The following INPP5A variants were observed in gnomAD, a reference collection of about 807,000 sequenced individuals.
INPP5A encodes the protein 43 kDa inositol polyphosphate 5-phophatase.
INPP5A carries 14 observed loss-of-function variants against 65.2 expected under a neutral mutation model. The observed-to-expected ratio is 0.21, with a 90% CI of 0.14 to 0.34. INPP5A has a LOEUF of 0.34. Ranked by LOEUF, INPP5A falls within the 10% of genes least tolerant of loss-of-function variation. The pLI is 1.00. For synonymous variants in INPP5A, 207 were observed against 208.3 expected, an observed-to-expected ratio of 0.99 and a Z score of 0.05; for missense variants, 431 against 545.6, an observed-to-expected ratio of 0.79 and a Z score of 2.09.
intron 9 of INPP5A, among the ~76,000 whole-genome samples, chr10:132,739,014 G>T (rs1332803745): frequency 6.6e-6 from 1 of 152,182 alleles, no homozygotes. Context: ...TAACCAGAAG[G>T]GCTTTCTCTT....
At position 132,616,521 on chromosome 10, in the gene INPP5A, T is replaced by G. The variant is rs2072035950; in HGVS notation, c.117+8565T>G. Among the ~76,000 whole-genome samples, 1 of 152,032 alleles carries G rather than the reference T, an allele frequency of 6.6e-6. No individual in the cohort carries two copies. The highest frequency in any genetic ancestry group is 6.6e-5 in the Admixed American group (1 of 15,262). On this transcript the variant is annotated intron_variant, in intron 2 of 15. Coordinates refer to ENST00000368594, the MANE Select transcript of INPP5A (RefSeq NM_005539.5). The surrounding 1 kb of genome is among the most constrained non-coding windows in gnomAD (Gnocchi z 4.9). ...ATGTGGTGTGTGTGGGATGCTGTGG[T>G]CACATGGGACATGGTGTATGGGACG...
intron 9 of INPP5A, among the ~76,000 whole-genome samples, chr10:132,728,787 G>A (rs753363010): frequency 5.5e-4 from 83 of 152,248 alleles, no homozygotes; most frequent in Non-Finnish European, 9.6e-4. Flanking sequence ...GGTCCTGGCC[G>A]GGTCAGAGCC....
chr10:132,671,688 C>T (rs2072894812), intron 4 of INPP5A, among the ~76,000 whole-genome samples: 1 of 152,228 alleles, frequency 6.6e-6, no homozygotes, highest in Non-Finnish European at 1.5e-5. Flanking sequence ...GGCACATGAG[C>T]TTCCTGATAC....
intron 11 of INPP5A, among the ~76,000 whole-genome samples, chr10:132,761,161 G>A (rs2134665865): frequency 6.6e-6 from 1 of 152,362 alleles, no homozygotes; most frequent in East Asian, 1.9e-4. Context: ...GTCTTCGGGT[G>A]CCACATGCCC....
rs2072760497 is a variant in INPP5A, at chr10:132,663,317, G to C, written c.306+12812G>C. Among the ~76,000 whole-genome samples the C allele has an allele frequency of 6.6e-6, 1 of 152,130 alleles. No individual in the cohort carries two copies. The highest frequency in any genetic ancestry group is 1.9e-4 in the East Asian group (1 of 5,184). Reference sequence around the variant, plus strand: ...GCTTACTGCAGCCTTGAACTCCTGAGCTCAAGTGATCCTGTGGCCTCAGCC... The same window carrying C: ...GCTTACTGCAGCCTTGAACTCCTGACCTCAAGTGATCCTGTGGCCTCAGCC... On this transcript the variant is annotated intron_variant, in intron 4 of 15. Coordinates refer to ENST00000368594, the MANE Select transcript of INPP5A (RefSeq NM_005539.5). The surrounding 1 kb of genome is among the most constrained non-coding windows in gnomAD (Gnocchi z 4.5).
At chr10:132,638,662 G>GCAT (rs1382355855) in intron 2 of INPP5A, among the ~76,000 whole-genome samples, 18 of 152,114 alleles carry the variant, frequency 1.2e-4, no homozygotes, top group Admixed American at 3.9e-4. Context: ...CTGCCTCTTG[G>GCAT]GCTTATGTGA....
intron 1 of INPP5A, among the ~76,000 whole-genome samples, chr10:132,563,993 G>A (rs1025283102): frequency 2.0e-5 from 3 of 152,164 alleles, no homozygotes; most frequent in African/African-American, 7.2e-5. Flanking sequence ...GCCCGGCCGC[G>A]GCTGTGGTCT....
chr10:132,657,728 G>A (rs2072676953), intron 4 of INPP5A, among the ~76,000 whole-genome samples: 1 of 152,246 alleles, frequency 6.6e-6, no homozygotes, highest in Non-Finnish European at 1.5e-5. Flanking sequence ...GTTTACGGAT[G>A]TTCTTTGATC....
At chr10:132,608,143 C>T (rs536052393) in intron 2 of INPP5A, among the ~76,000 whole-genome samples, 187 bp downstream of exon 2, 113 of 152,344 alleles carry the variant, frequency 7.4e-4, no homozygotes, top group Middle Eastern at 3.4e-3. Context: ...GTCCACTGCC[C>T]GCCTGCCGGT....
chr10:132,713,104 A>G (rs1845677197), intron 8 of INPP5A, among the ~76,000 whole-genome samples: 1 of 149,850 alleles, frequency 6.7e-6, no homozygotes, highest in East Asian at 2.0e-4. Context: ...GTGCAGGTAC[A>G]TGTGGGTATG....
At chr10:132,610,146 C>T (rs1421523536) in intron 2 of INPP5A, among the ~76,000 whole-genome samples, 1 of 152,214 alleles carries the variant, frequency 6.6e-6, no homozygotes, top group South Asian at 2.1e-4. Context: ...GGCTTCCTCA[C>T]ACCAGGCAGT....
intron 4 of INPP5A, among the ~76,000 whole-genome samples, chr10:132,657,413 G>T (rs886360784): frequency 6.6e-6 from 1 of 152,218 alleles, no homozygotes; most frequent in African/African-American, 2.4e-5. Flanking sequence ...CTCCCCCGCG[G>T]CTGGGTCTGT....
chr10:132,662,134 C>T (rs1008897379), intron 4 of INPP5A, among the ~76,000 whole-genome samples: 1 of 152,150 alleles, frequency 6.6e-6, no homozygotes, highest in South Asian at 2.1e-4. Context: ...GGAAACCAGT[C>T]AGTTGGACCT....
chr10:132,657,234 C>T (rs963179476), intron 4 of INPP5A, among the ~76,000 whole-genome samples: 3 of 152,236 alleles, frequency 2.0e-5, no homozygotes, highest in Non-Finnish European at 4.4e-5. Context: ...GGTCACCAAC[C>T]GGGGGCTTAC....
At chr10:132,564,024 C>T (rs372719764) in intron 1 of INPP5A, among the ~76,000 whole-genome samples, 6 of 152,184 alleles carry the variant, frequency 3.9e-5, no homozygotes, top group Non-Finnish European at 8.8e-5. Flanking sequence ...CAAGCCATTT[C>T]GGCATCTTTT....
rs1287753702 is a variant in INPP5A, at chr10:132,781,945, G to T, written c.*4G>T. Reference sequence around the variant, plus strand: ...CAAGTGTTGTGTCGTGCAGTGACGTGGTGGTAAATATGACTCCTCCCTCCA... The same window carrying T: ...CAAGTGTTGTGTCGTGCAGTGACGTTGTGGTAAATATGACTCCTCCCTCCA... On this transcript the variant is annotated 3_prime_UTR_variant, in exon 15 of 16. Coordinates refer to ENST00000368594, the MANE Select transcript of INPP5A (RefSeq NM_005539.5). 2 of 1,613,466 alleles carry T rather than the reference G, an allele frequency of 1.2e-6. No homozygotes were observed. Among genetic ancestry groups the T allele is most frequent in the Admixed American group, 1.7e-5 (1 of 59,998 alleles).
intron 2 of INPP5A, among the ~76,000 whole-genome samples, chr10:132,636,646 A>G (rs1342026224): frequency 2.0e-5 from 3 of 152,152 alleles, no homozygotes; most frequent in African/African-American, 7.2e-5. Flanking sequence ...CAGAGCTCCC[A>G]TGTCCATTTG....
chr10:132,565,775 A>G (rs2071266854), intron 1 of INPP5A, among the ~76,000 whole-genome samples: 3 of 145,094 alleles, frequency 2.1e-5, no homozygotes, highest in African/African-American at 5.1e-5. Context: ...GCATGTGTGT[A>G]TGTGAATGCG....
Position 132,542,280 on chromosome 10 carries a change from C to T in INPP5A, c.75+4109C>T, listed in dbSNP as rs1427144762. On this transcript the variant is annotated intron_variant, in intron 1 of 15. Transcript: ENST00000368594. ...TCTGCCCAGACCCGGGTTTGCAGAA[C>T]GGCTGTGAGAGTGGGCTCGGCAAGT... is the stretch of plus-strand genomic sequence containing the variant. 3.3e-5 allele frequency among the ~76,000 whole-genome samples: 5 copies of T among 152,348 alleles called. No individual in the cohort carries two copies. In the South Asian group the frequency reaches 6.2e-4, roughly 19 times the overall value.
Sources: gnomAD v4.1 joint callset for allele counts (sites outside exome capture counted in the v4.1 genomes callset) on GRCh38, gnomAD v4.1.1 for gene constraint, Gnocchi (gnomAD v3.1) non-coding constraint, MANE v1.5 for transcripts, NCBI Gene and HGNC (gene_info 2026-07-23, HGNC 2026-07-21) for gene names.